DNAI7: variants seen among roughly 807,000 people sequenced by gnomAD.
The protein encoded by DNAI7 is cancer susceptibility 1.
In DNAI7, 78 loss-of-function variants were observed where a neutral mutation model predicts 86.6. The observed-to-expected ratio is 0.90, with a 90% CI of 0.75 to 1.09. The LOEUF is 1.09. Among genes scored for constraint, DNAI7 ranks in the 50% least tolerant of loss-of-function variants. The probability of loss-of-function intolerance (pLI) is 0.00; values close to 1 mark genes in which losing one functional copy is unlikely to be tolerated. For synonymous variants in DNAI7, 274 were observed against 273.0 expected, an observed-to-expected ratio of 1.00 and a Z score of -0.04; for missense variants, 753 against 810.2, an observed-to-expected ratio of 0.93 and a Z score of 0.86.
At chr12:25,143,410 G>A (rs891779272) in intron 9 of DNAI7, among the ~76,000 whole-genome samples, 3 of 151,920 alleles carry the variant, frequency 2.0e-5, no homozygotes, top group African/African-American at 4.8e-5. Context: ...CACCACGCCC[G>A]GCTAATTTTC....
chr12:25,169,251 A>G (rs1022043376), intron 2 of DNAI7, among the ~76,000 whole-genome samples: 2 of 152,054 alleles, frequency 1.3e-5, no homozygotes, highest in Non-Finnish European at 2.9e-5. Context: ...TGATGACATT[A>G]TCTTGTGAAA....
chr12:25,174,202 C>T (rs961283242), intron 2 of DNAI7, among the ~76,000 whole-genome samples: 1 of 147,828 alleles, frequency 6.8e-6, no homozygotes, highest in Admixed American at 6.9e-5. Flanking sequence ...CAGATGTATA[C>T]ATTGTGAAGA....
intron 2 of DNAI7, among the ~76,000 whole-genome samples, chr12:25,169,419 C>G (rs993260791): frequency 2.6e-5 from 4 of 152,184 alleles, no homozygotes; most frequent in Non-Finnish European, 4.4e-5. Flanking sequence ...TTCGCTGACT[C>G]TCTTTTCGGA....
intron 2 of DNAI7, among the ~76,000 whole-genome samples, chr12:25,188,078 C>G (rs1440568942): frequency 6.6e-6 from 1 of 152,156 alleles, no homozygotes; most frequent in African/African-American, 2.4e-5. Context: ...TGGTAATAAG[C>G]CCAACTGACA....
chr12:25,114,334 C>T (rs780766746), intron 13 of DNAI7, among the ~76,000 whole-genome samples: 2 of 152,154 alleles, frequency 1.3e-5, no homozygotes, highest in Non-Finnish European at 1.5e-5. Flanking sequence ...ATAAACATCA[C>T]GTAGCCCCTT....
intron 9 of DNAI7, among the ~76,000 whole-genome samples, chr12:25,129,326 G>A (rs1239528244): frequency 6.6e-6 from 1 of 152,118 alleles, no homozygotes; most frequent in African/African-American, 2.4e-5. Flanking sequence ...TAAATTATGA[G>A]AGAAGGAGCC....
chr12:25,170,467 A>C (rs564938934), intron 2 of DNAI7, among the ~76,000 whole-genome samples: 7 of 152,290 alleles, frequency 4.6e-5, no homozygotes, highest in Admixed American at 2.6e-4. Flanking sequence ...TGGAGCTCCC[A>C]AATTTATAAA....
chr12:25,195,142 C>G lies in DNAI7; in HGVS notation c.-64G>C. 7 of 1,554,168 alleles carry G rather than the reference C, an allele frequency of 4.5e-6. No individual in the cohort carries two copies. Among genetic ancestry groups the G allele is most frequent in the South Asian group, 4.5e-5 (4 of 89,870 alleles). On this transcript the variant is annotated 5_prime_UTR_variant, in exon 1 of 16. Transcript: ENST00000395987. ...AGCAGAAATTGTGTGGACAAACGCT[C>G]CCGGGTTGCCCGGACGACAGGCCCC...
At position 25,144,634 on chromosome 12, in the gene DNAI7, T is replaced by C; in HGVS notation, c.733A>G (p.Ile245Val). Residue 245 changes from isoleucine to valine, a missense_variant, in exon 9 of 16, where the codon ATT becomes GTT. By Grantham distance (29) the Ile-to-Val change is conservative (BLOSUM62 3). Coordinates refer to ENST00000395987, the MANE Select transcript of DNAI7 (RefSeq NM_018272.5). ...RFSETQIGFEIPRILATSDIA... is the reference protein window; with the variant it reads ...RFSETQIGFEVPRILATSDIA... ...TCACTTGTTGCTAATATCCTTGGAA[T>C]CTCAAATCCAATTTGTGTTTCAGAG... 6.2e-7 allele frequency: 1 copy of C among 1,613,966 alleles called. No individual in the cohort carries two copies. The highest frequency in any genetic ancestry group is 1.1e-5 in the South Asian group (1 of 91,004).
intron 2 of DNAI7, among the ~76,000 whole-genome samples, chr12:25,166,624 G>A (rs1010685735): frequency 6.3e-4 from 96 of 152,094 alleles, no homozygotes; most frequent in Admixed American, 4.6e-4. Flanking sequence ...GATCGTGTCC[G>A]GCTAATCTCC....
At chr12:25,134,602 C>T in intron 9 of DNAI7, among the ~76,000 whole-genome samples, 1 of 151,990 alleles carries the variant, frequency 6.6e-6, no homozygotes, top group South Asian at 2.1e-4. Flanking sequence ...GGTGACCCAC[C>T]TGCCTCAGCC....
chr12:25,128,110 ATGATCT>A (rs1486585987), intron 9 of DNAI7, among the ~76,000 whole-genome samples: 1 of 152,230 alleles, frequency 6.6e-6, no homozygotes, highest in Non-Finnish European at 1.5e-5. Flanking sequence ...AATGAAGTAA[ATGATCT>A]TGATAATATC....
At chr12:25,171,393 G>C (rs2141149202) in intron 2 of DNAI7, among the ~76,000 whole-genome samples, 1 of 152,070 alleles carries the variant, frequency 6.6e-6, no homozygotes, top group East Asian at 1.9e-4. Flanking sequence ...TAAACTCCTG[G>C]AAAAATACAA....
intron 6 of DNAI7, 44 bp from the exon 7 acceptor site, chr12:25,149,818 T>G: frequency 8.1e-7 from 1 of 1,237,484 alleles, no homozygotes. Flanking sequence ...AGAGAAATAG[T>G]CAAGGACAAG....
At chr12:25,116,492 T>C (rs1940126991) in intron 12 of DNAI7, among the ~76,000 whole-genome samples, 1 of 144,860 alleles carries the variant, frequency 6.9e-6, no homozygotes, top group South Asian at 2.3e-4. Context: ...CTTGTCTAAT[T>C]CTAATTTCAT....
intron 2 of DNAI7, among the ~76,000 whole-genome samples, chr12:25,179,361 G>GT (rs762574097): frequency 6.6e-6 from 1 of 152,088 alleles, no homozygotes; most frequent in Non-Finnish European, 1.5e-5. Flanking sequence ...TTCTAAATAT[G>GT]TTTAATTCAT....
At chr12:25,110,054 ATTCATT>A in intron 15 of DNAI7, 67 bp downstream of exon 15, 1 of 746,042 alleles carries the variant, frequency 1.3e-6, no homozygotes, top group Non-Finnish European at 2.3e-6. Flanking sequence ...CATGGTCTAC[ATTCATT>A]TAGTCTTTGA....
At chr12:25,184,871 G>GC (rs925918993) in intron 2 of DNAI7, among the ~76,000 whole-genome samples, 4 of 151,428 alleles carry the variant, frequency 2.6e-5, no homozygotes, top group Admixed American at 2.6e-4. Context: ...GGTGACTCAT[G>GC]CCTGCAATTC....
chr12:25,138,955 A>G (rs1469400315), intron 9 of DNAI7, among the ~76,000 whole-genome samples: 2 of 152,084 alleles, frequency 1.3e-5, no homozygotes, highest in Non-Finnish European at 2.9e-5. Flanking sequence ...TTGACAGACC[A>G]TTAGCGAGAT....
Sources: allele counts gnomAD v4.1 joint callset (sites outside exome capture counted in the v4.1 genomes callset), GRCh38; gene constraint gnomAD v4.1.1; transcripts MANE v1.5; gene names NCBI Gene and HGNC (gene_info 2026-07-23, HGNC 2026-07-21).